Variants in PTPRD observed in about 807,000 individuals in gnomAD.
PTPRD encodes receptor-type tyrosine-protein phosphatase delta.
PTPRD carries 34 observed loss-of-function variants against 214.5 expected under a neutral mutation model. The observed-to-expected ratio is 0.16, with a 90% CI of 0.12 to 0.21. The LOEUF (loss-of-function observed/expected upper bound fraction) is 0.21, where lower values mean the gene tolerates loss of function less well. Among genes scored for constraint, PTPRD ranks in the 10% least tolerant of loss-of-function variants. PTPRD has a pLI of 1.00. For synonymous variants in PTPRD, 1,128 were observed against 845.7 expected, an observed-to-expected ratio of 1.33 and a Z score of -5.79; for missense variants, 2,545 against 2,398.7, an observed-to-expected ratio of 1.06 and a Z score of -1.27.
intron 7 of PTPRD, among the ~76,000 whole-genome samples, chr9:9,703,158 C>T (rs990535492): frequency 6.6e-6 from 1 of 152,088 alleles, no homozygotes; most frequent in Non-Finnish European, 1.5e-5. Flanking sequence ...TGGTTTTATA[C>T]ATTTAACAGT....
chr9:8,650,284 C>G (rs1207574775), intron 12 of PTPRD, among the ~76,000 whole-genome samples: 1 of 151,944 alleles, frequency 6.6e-6, no homozygotes, highest in South Asian at 2.1e-4. Context: ...AATCCCAGCA[C>G]TTTGGGAGGC....
rs913501527 is a variant in PTPRD, at chr9:9,830,392, T to C, written c.-367-63541A>G. On this transcript the variant is annotated intron_variant, in intron 5 of 45. Coordinates refer to ENST00000381196, the MANE Select transcript of PTPRD (RefSeq NM_002839.4). The stretch of plus-strand genomic sequence containing the variant: ...GTCAACATAGAAAATATACCTGATA[T>C]TTGTTAAATGGGGTGAAGGGAAGCA... Among the ~76,000 whole-genome samples, 15 of 151,990 alleles carry C rather than the reference T, an allele frequency of 9.9e-5. No individual in the cohort carries two copies. The East Asian group carries it at 2.1e-3, about 22-fold the overall frequency.
At chr9:8,831,258 T>C (rs935770209) in intron 11 of PTPRD, among the ~76,000 whole-genome samples, 2 of 152,232 alleles carry the variant, frequency 1.3e-5, no homozygotes, top group African/African-American at 4.8e-5. Flanking sequence ...TCTTTTCTGA[T>C]GATTATCTTT....
chr9:8,765,133 C>G lies in PTPRD; in HGVS notation c.-103-31187G>C, dbSNP rs139086565. ...CAGAAAGTACAAATTTTGCAATTAC[C>G]AAATGCTAAATACGATTTAAACATA... is the stretch of plus-strand genomic sequence containing the variant. On this transcript the variant is annotated intron_variant, in intron 11 of 45. Coordinates refer to ENST00000381196, the MANE Select transcript of PTPRD (RefSeq NM_002839.4). Among the ~76,000 whole-genome samples, 424 of 152,134 alleles carry G rather than the reference C, an allele frequency of 2.8e-3. 2 individuals are homozygous for G. Among genetic ancestry groups the G allele is most frequent in the Middle Eastern group, 0.017 (5 of 294 alleles).
At chr9:8,500,426 G>T (rs552824418) in intron 24 of PTPRD, among the ~76,000 whole-genome samples, 1 of 151,680 alleles carries the variant, frequency 6.6e-6, no homozygotes, top group African/African-American at 2.4e-5. Context: ...TGTAAAAGAA[G>T]TGACTACAAA....
intron 10 of PTPRD, among the ~76,000 whole-genome samples, chr9:9,035,909 A>C (rs2099620219): frequency 6.6e-6 from 1 of 152,218 alleles, no homozygotes; most frequent in Middle Eastern, 3.4e-3. Context: ...AAACATATAG[A>C]AAGATATTTG....
At chr9:10,115,821 G>A (rs1429665997) in intron 3 of PTPRD, among the ~76,000 whole-genome samples, 4 of 151,946 alleles carry the variant, frequency 2.6e-5, no homozygotes, top group African/African-American at 9.7e-5. Flanking sequence ...TTAAATATAG[G>A]ACAATAAATC....
At chr9:10,488,598 G>T (rs1156315195) in intron 2 of PTPRD, among the ~76,000 whole-genome samples, 1 of 152,024 alleles carries the variant, frequency 6.6e-6, no homozygotes, top group Non-Finnish European at 1.5e-5. Flanking sequence ...GGGAGCCAGG[G>T]ATTAGGATAA....
In PTPRD at chr9:9,278,499, G is replaced by A. The variant is rs114476011; in HGVS notation, c.-202-95136C>T. On this transcript the variant is annotated intron_variant, in intron 9 of 45. Coordinates refer to ENST00000381196, the MANE Select transcript of PTPRD (RefSeq NM_002839.4). The stretch of plus-strand genomic sequence containing the variant: ...TTTATTAAAATTAAGTGCCCAATAG[G>A]ATACTGTACTAAATTGAGGATATGT... 5.0e-3 allele frequency among the ~76,000 whole-genome samples: 762 copies of A among 151,294 alleles called. 6 individuals carry two copies. Among genetic ancestry groups the A allele is most frequent in the African/African-American group, 0.018 (727 of 41,394 alleles).
intron 10 of PTPRD, among the ~76,000 whole-genome samples, chr9:9,132,197 G>A (rs1006879757): frequency 2.0e-5 from 3 of 152,218 alleles, no homozygotes; most frequent in South Asian, 2.1e-4. Context: ...TTTTGGTAGA[G>A]AGGGGGTTTC....
chr9:10,125,154 G>A (rs1415195679), intron 3 of PTPRD, among the ~76,000 whole-genome samples: 1 of 151,992 alleles, frequency 6.6e-6, no homozygotes, highest in Non-Finnish European at 1.5e-5. Context: ...AATAAAAGTA[G>A]GAGTTGTACA....
chr9:9,414,607 T>C (rs1569568110), intron 8 of PTPRD: 3 of 152,186 alleles, frequency 2.0e-5, no homozygotes. Context: ...CCCATCTTCA[T>C]CATCTCTTAG....
intron 2 of PTPRD, among the ~76,000 whole-genome samples, chr9:10,361,057 G>A (rs962111758): frequency 2.6e-5 from 4 of 152,120 alleles, no homozygotes; most frequent in Admixed American, 1.3e-4. Flanking sequence ...AGCCGAGATG[G>A]AGCCACTGCA....
intron 10 of PTPRD, among the ~76,000 whole-genome samples, chr9:9,100,791 C>A (rs1032084412): frequency 2.6e-5 from 4 of 152,070 alleles, no homozygotes; most frequent in African/African-American, 9.7e-5. Context: ...ATATAAAAAT[C>A]TCACAGTGAT....
At chr9:8,903,679 T>C (rs1403173138) in intron 11 of PTPRD, among the ~76,000 whole-genome samples, 2 of 152,204 alleles carry the variant, frequency 1.3e-5, no homozygotes, top group Non-Finnish European at 2.9e-5. Flanking sequence ...TGAATTATAG[T>C]AAGTAATTAT....
intron 2 of PTPRD, among the ~76,000 whole-genome samples, chr9:10,546,336 A>G (rs1048841414): frequency 6.6e-6 from 1 of 152,052 alleles, no homozygotes; most frequent in East Asian, 1.9e-4. Flanking sequence ...TGAAGGAACC[A>G]GTAGTTCTAG....
chr9:9,659,811 G>T (rs1185720607), intron 7 of PTPRD, among the ~76,000 whole-genome samples: 1 of 151,922 alleles, frequency 6.6e-6, no homozygotes, highest in Non-Finnish European at 1.5e-5. Flanking sequence ...AAATTGGGAC[G>T]TTCCCAATAA....
At chr9:10,038,934 T>C (rs1351479403) in intron 3 of PTPRD, among the ~76,000 whole-genome samples, 1 of 152,088 alleles carries the variant, frequency 6.6e-6, no homozygotes, top group East Asian at 1.9e-4. Context: ...ACGCTGACGA[T>C]AAACTTTAAT....
chr9:9,988,001 T>C (rs1289307479), intron 4 of PTPRD, among the ~76,000 whole-genome samples: 1 of 152,156 alleles, frequency 6.6e-6, no homozygotes, highest in African/African-American at 2.4e-5. Context: ...GTCAAAACAT[T>C]TCTTCTAAGA....
Sources: allele counts gnomAD v4.1 joint callset (sites outside exome capture counted in the v4.1 genomes callset), GRCh38; gene constraint gnomAD v4.1.1; transcripts MANE v1.5; gene names NCBI Gene and HGNC (gene_info 2026-07-23, HGNC 2026-07-21).